The following RALYL variants were observed in gnomAD, a reference collection of about 807,000 sequenced individuals.
RALYL encodes the protein RNA-binding Raly-like protein.
Under a neutral mutation model 35.1 loss-of-function variants are expected in RALYL, and 29 were observed. The observed-to-expected ratio is 0.83, with a 90% CI of 0.61 to 1.13. RALYL has a LOEUF of 1.13. Ranked by LOEUF, RALYL falls within the 50% of genes most tolerant of loss-of-function variation. The probability of loss-of-function intolerance (pLI) is 0.00; values close to 1 mark genes in which losing one functional copy is unlikely to be tolerated. For synonymous variants in RALYL, 120 were observed against 127.6 expected (o/e 0.94, Z 0.40); for missense variants, 359 against 360.4 (o/e 1.00, Z 0.03).
At chr8:84,428,777 T>G (rs950192141) in intron 1 of RALYL, among the ~76,000 whole-genome samples, 1 of 152,174 alleles carries the variant, frequency 6.6e-6, no homozygotes, top group African/African-American at 2.4e-5. Flanking sequence ...TTGTATAGTA[T>G]AATTACCATG....
chr8:84,915,508 G>A (rs965734), intron 8 of RALYL, among the ~76,000 whole-genome samples: 45,770 of 151,882 alleles, frequency 0.3, 7,409 homozygotes, highest in East Asian at 0.61. Context: ...AGCTGATTTA[G>A]ACTCAATGTA....
At chr8:84,716,269 T>C (rs903987728) in intron 2 of RALYL, among the ~76,000 whole-genome samples, 2 of 152,264 alleles carry the variant, frequency 1.3e-5, no homozygotes, top group Non-Finnish European at 2.9e-5. Context: ...CTTAACAGTG[T>C]CTTTCAACTC....
intron 2 of RALYL, among the ~76,000 whole-genome samples, chr8:84,739,938 G>T (rs1029345451): frequency 6.6e-6 from 1 of 151,812 alleles, no homozygotes; most frequent in African/African-American, 2.4e-5. Context: ...ATTAGCCCAG[G>T]TTTGCTTTGT....
At chr8:84,807,475 A>T (rs1025390972) in intron 4 of RALYL, among the ~76,000 whole-genome samples, 1 of 152,216 alleles carries the variant, frequency 6.6e-6, no homozygotes, top group African/African-American at 2.4e-5. Context: ...TGCTATAAAC[A>T]TGCATGTGCA....
intron 2 of RALYL, among the ~76,000 whole-genome samples, chr8:84,665,327 G>A (rs1452355073): frequency 6.6e-6 from 1 of 151,896 alleles, no homozygotes; most frequent in African/African-American, 2.4e-5. Flanking sequence ...GATGATTCTG[G>A]CCTCATAGAA....
At chr8:84,377,228 C>A (rs183593954) in intron 1 of RALYL, among the ~76,000 whole-genome samples, 2 of 151,686 alleles carry the variant, frequency 1.3e-5, no homozygotes, top group Non-Finnish European at 2.9e-5. Context: ...GAATAAAGTA[C>A]CCCAAGTGAG....
chr8:84,757,101 C>A (rs1811610615), intron 2 of RALYL, among the ~76,000 whole-genome samples: 1 of 151,872 alleles, frequency 6.6e-6, no homozygotes, highest in East Asian at 1.9e-4. Flanking sequence ...CATATTTCTC[C>A]ATGTAGAAAT....
intron 2 of RALYL, among the ~76,000 whole-genome samples, chr8:84,671,258 A>T (rs1833168977): frequency 6.6e-6 from 1 of 152,156 alleles, no homozygotes; most frequent in African/African-American, 2.4e-5. Flanking sequence ...TGCGGGATAC[A>T]GCCCTCCCTG....
At chr8:84,208,236 G>A (rs971165445) in intron 1 of RALYL, among the ~76,000 whole-genome samples, 13 of 152,050 alleles carry the variant, frequency 8.5e-5, no homozygotes, top group African/African-American at 2.9e-4. Flanking sequence ...GTTAAAAATC[G>A]TTAGCACAGA....
At chr8:84,875,704 G>T (rs568498698) in intron 7 of RALYL, among the ~76,000 whole-genome samples, 8 of 152,094 alleles carry the variant, frequency 5.3e-5, no homozygotes, top group African/African-American at 1.7e-4. Flanking sequence ...AAAAAATCAG[G>T]TTTGCTTGGA....
chr8:84,841,723 G>C (rs1833418210), intron 4 of RALYL, among the ~76,000 whole-genome samples: 1 of 152,158 alleles, frequency 6.6e-6, no homozygotes, highest in Non-Finnish European at 1.5e-5. Flanking sequence ...TGGAAGTAAA[G>C]CACTCCTCTG....
chr8:84,594,784 AC>A (rs1814094981), intron 2 of RALYL, among the ~76,000 whole-genome samples: 1 of 152,062 alleles, frequency 6.6e-6, no homozygotes, highest in African/African-American at 2.4e-5. Context: ...TTCAAAGAAA[AC>A]TGATTTATTT....
chr8:84,555,135 C>T (rs533645357), intron 2 of RALYL, among the ~76,000 whole-genome samples: 22 of 152,140 alleles, frequency 1.4e-4, no homozygotes, highest in East Asian at 9.7e-4. Flanking sequence ...AAAAATTAGC[C>T]GGGCGTGGTG....
At chr8:84,666,185 C>T (rs1431171339) in intron 2 of RALYL, among the ~76,000 whole-genome samples, 1 of 151,990 alleles carries the variant, frequency 6.6e-6, no homozygotes, top group African/African-American at 2.4e-5. Context: ...ATATTTCTAA[C>T]CACCATAACA....
intron 1 of RALYL, among the ~76,000 whole-genome samples, chr8:84,470,743 G>A (rs1337260992): frequency 6.6e-6 from 1 of 152,126 alleles, no homozygotes; most frequent in East Asian, 1.9e-4. Flanking sequence ...TCCAGAGCCT[G>A]CCTCTTTAAA....
intron 3 of RALYL, among the ~76,000 whole-genome samples, chr8:84,779,799 C>A (rs1817669224): frequency 6.6e-6 from 1 of 152,184 alleles, no homozygotes; most frequent in African/African-American, 2.4e-5. Flanking sequence ...CACCACTGGA[C>A]CTACGTGAGT....
At chr8:84,805,633 A>G (rs1425668038) in intron 4 of RALYL, among the ~76,000 whole-genome samples, 1 of 152,174 alleles carries the variant, frequency 6.6e-6, no homozygotes, top group Non-Finnish European at 1.5e-5. Flanking sequence ...GCAGTGAGCC[A>G]AGATCACACC....
At chr8:84,763,726 A>T (rs1813225502) in intron 2 of RALYL, among the ~76,000 whole-genome samples, 1 of 152,222 alleles carries the variant, frequency 6.6e-6, no homozygotes, top group African/African-American at 2.4e-5. Flanking sequence ...CAGAAAACTT[A>T]TTCAAGATAA....
intron 2 of RALYL, among the ~76,000 whole-genome samples, chr8:84,611,398 G>T (rs981554672): frequency 6.6e-6 from 1 of 152,030 alleles, no homozygotes; most frequent in African/African-American, 2.4e-5. Flanking sequence ...GACTGAGGCA[G>T]TTCACAGTTT....
Sources: gnomAD v4.1 joint callset for allele counts (sites outside exome capture counted in the v4.1 genomes callset) on GRCh38, gnomAD v4.1.1 for gene constraint, MANE v1.5 for transcripts, NCBI Gene and HGNC (gene_info 2026-07-23, HGNC 2026-07-21) for gene names.